The following CNOT1 variants were observed in gnomAD, a reference collection of about 807,000 sequenced individuals.
The protein encoded by CNOT1 is CCR4-associated factor 1.
CNOT1 carries 15 observed loss-of-function variants against 273.8 expected under a neutral mutation model. That is an observed-to-expected ratio of 0.05 (90% CI 0.04 to 0.08). The LOEUF (loss-of-function observed/expected upper bound fraction) is 0.08, where lower values mean the gene tolerates loss of function less well. Among genes scored for constraint, CNOT1 ranks in the 10% least tolerant of loss-of-function variants. The pLI, the probability that CNOT1 is intolerant of heterozygous loss-of-function variation, is 1.00. For synonymous variants in CNOT1, 1,022 were observed against 1,005.5 expected (o/e 1.02, Z -0.31); for missense variants, 1,644 against 2,912.2 (o/e 0.56, Z 10.02).
chr16:58,524,407 G>A (rs1013067106), intron 46 of CNOT1, among the ~76,000 whole-genome samples: 1 of 151,832 alleles, frequency 6.6e-6, no homozygotes, highest in African/African-American at 2.4e-5. Context: ...GACATTATTC[G>A]TGTTTGTGAG....
chr16:58,609,988 C>T (rs1436389464), intron 1 of CNOT1, among the ~76,000 whole-genome samples: 1 of 152,108 alleles, frequency 6.6e-6, no homozygotes, highest in Non-Finnish European at 1.5e-5. Flanking sequence ...CATGTACTCA[C>T]TTCAGGTATT....
At chr16:58,626,349 G>A (rs1217065239) in intron 1 of CNOT1, among the ~76,000 whole-genome samples, 2 of 138,572 alleles carry the variant, frequency 1.4e-5, no homozygotes, top group Non-Finnish European at 3.0e-5. Context: ...AGGGGTTGCA[G>A]TGAGCCAAGA....
At chr16:58,548,618 G>T (rs1359662590) in intron 25 of CNOT1, 1 of 519,074 alleles carries the variant, frequency 1.9e-6, no homozygotes, top group Non-Finnish European at 3.8e-6. Context: ...CCATCCACAG[G>T]TTTAAATATA....
intron 15 of CNOT1, 87 bp downstream of exon 15, chr16:58,574,920 T>C (rs2041408617): frequency 4.4e-6 from 7 of 1,575,784 alleles, no homozygotes; most frequent in Non-Finnish European, 6.0e-6. Flanking sequence ...AGTTTATTAC[T>C]GCTGCACAAA....
intron 18 of CNOT1, 125 bp from the exon 19 acceptor site, chr16:58,557,118 C>T: frequency 7.7e-7 from 1 of 1,292,092 alleles, no homozygotes; most frequent in Non-Finnish European, 1.0e-6. Context: ...CTTTAAAAGT[C>T]AGAGTCTTTG....
At chr16:58,602,730 C>CA (rs1463887604) in intron 1 of CNOT1, among the ~76,000 whole-genome samples, 5 of 150,844 alleles carry the variant, frequency 3.3e-5, no homozygotes, top group African/African-American at 9.8e-5. Context: ...GACTCTGTCT[C>CA]AAAAAAATAA....
rs1230767198 is a variant in CNOT1 at position 58,543,964 on chromosome 16, T to C, written c.4138-61A>G. On this transcript the variant is annotated intron_variant, in intron 30 of 48. Coordinates refer to ENST00000317147, the MANE Select transcript of CNOT1 (RefSeq NM_016284.5). ...TTAAATAAGACAATCCAATTCCTACTGGCAATCACATTCATGATTTTGTAA... is the reference window on the plus strand; with the variant it reads ...TTAAATAAGACAATCCAATTCCTACCGGCAATCACATTCATGATTTTGTAA... 6 of 1,506,266 alleles carry C rather than the reference T, an allele frequency of 4.0e-6. No individual in the cohort carries two copies. The East Asian group carries it at 1.4e-4, about 35-fold the overall frequency. 93.3% of individuals were successfully genotyped at this position (1,506,266 alleles called of 1,614,324 possible).
chr16:58,588,360 T>A (rs112718584), intron 3 of CNOT1, among the ~76,000 whole-genome samples: 183 of 149,532 alleles, frequency 1.2e-3, no homozygotes, highest in Middle Eastern at 3.4e-3. Flanking sequence ...TAGAGTTTTT[T>A]AAAAAAAAAA....
intron 1 of CNOT1, among the ~76,000 whole-genome samples, chr16:58,602,553 CAA>C (rs60230860): frequency 6.0e-4 from 35 of 57,970 alleles, no homozygotes; most frequent in African/African-American, 1.8e-3. Context: ...ACTCTGTCTC[CAA>C]AAAAAAAAAA....
intron 38 of CNOT1, 79 bp from the exon 39 acceptor site, chr16:58,537,299 A>ATTTTT: frequency 6.6e-7 from 1 of 1,503,764 alleles, no homozygotes; most frequent in Non-Finnish European, 8.9e-7. Context: ...TAGTTTGCTT[A>ATTTTT]TTTAACAGCA....
At chr16:58,623,323 T>A (rs1180374232) in intron 1 of CNOT1, 1 of 152,254 alleles carries the variant, frequency 6.6e-6, no homozygotes, top group African/African-American at 2.4e-5. Context: ...ACTTCTAAGA[T>A]CCTTAGAATG....
At chr16:58,538,964 C>T (rs940201285) in intron 35 of CNOT1, 50 bp from the exon 36 acceptor site, 1 of 1,588,420 alleles carries the variant, frequency 6.3e-7, no homozygotes. Flanking sequence ...AGTGCTTGGC[C>T]CAACTATCAC....
intron 4 of CNOT1, 22 bp from the exon 5 acceptor site, chr16:58,587,435 T>C (rs768187089): frequency 3.7e-6 from 6 of 1,611,590 alleles, no homozygotes; most frequent in Non-Finnish European, 5.1e-6. Context: ...CAAATTTTAG[T>C]TTAAAATAAG....
chr16:58,537,114 C>T lies in CNOT1; in HGVS notation c.5521G>A (p.Glu1841Lys), dbSNP rs2039951112. 6.2e-7 allele frequency: 1 copy of T among 1,614,208 alleles called. No homozygotes were observed. The highest frequency in any genetic ancestry group is 8.5e-7 in the Non-Finnish European group (1 of 1,180,038). ...CTCAGGCCTGGAGGGTCATCATACT[C>T]TGAGGCTTGAGAGATCCCAGAATGC... Reference protein sequence around the residue: ...MMHSGISQASEYDDPPGLREK... With the variant: ...MMHSGISQASKYDDPPGLREK... The change falls in exon 39 of 49, where the codon GAG (glutamate) becomes AAG (lysine). Residue 1841 changes from glutamate to lysine, a missense_variant. Transcript: ENST00000317147.
Position 58,520,774 on chromosome 16 carries a change from G to T in CNOT1, c.*184C>A. The T allele has an allele frequency of 3.3e-6, 2 of 606,888 alleles. No individual in the cohort carries two copies. The highest frequency in any genetic ancestry group is 5.7e-6 in the Non-Finnish European group (2 of 349,496). 37.6% of individuals were successfully genotyped at this position (606,888 alleles called of 1,614,324 possible). A position where few individuals can be genotyped will look rare whatever the true frequency, so the allele number is the denominator to read the frequency against. On this transcript the variant is annotated 3_prime_UTR_variant, in exon 49 of 49. Coordinates refer to ENST00000317147, the MANE Select transcript of CNOT1 (RefSeq NM_016284.5). The stretch of plus-strand genomic sequence containing the variant: ...AATTTTGGCCAAGAGTCAAAAAAAT[G>T]CATTTAAACTTTGGAACGTGCCCAC...
At chr16:58,587,946 C>T (rs1042683028) in intron 3 of CNOT1, 68 bp from the exon 4 acceptor site, 2 of 1,437,100 alleles carry the variant, frequency 1.4e-6, no homozygotes, top group Non-Finnish European at 1.9e-6. Flanking sequence ...AGCTGAGGTA[C>T]TCAGAACATT....
At chr16:58,603,407 A>G (rs1387352708) in intron 1 of CNOT1, among the ~76,000 whole-genome samples, 2 of 126,292 alleles carry the variant, frequency 1.6e-5, no homozygotes, top group Non-Finnish European at 3.3e-5. Flanking sequence ...TACAATTTAA[A>G]AGTGTGTGTG....
At chr16:58,545,613 AGGATG>A in intron 29 of CNOT1, 122 bp from the exon 30 acceptor site, 5 of 1,466,492 alleles carry the variant, frequency 3.4e-6, no homozygotes, top group Non-Finnish European at 4.5e-6. Flanking sequence ...AGAGGAGGGA[AGGATG>A]TAGCAGGTCC....
intron 1 of CNOT1, among the ~76,000 whole-genome samples, chr16:58,623,913 C>T (rs952556724): frequency 1.3e-5 from 2 of 151,824 alleles, no homozygotes; most frequent in Non-Finnish European, 2.9e-5. Flanking sequence ...TCGCTTGAAC[C>T]AGAGCGATAG....
Sources: allele counts gnomAD v4.1 joint callset (sites outside exome capture counted in the v4.1 genomes callset), GRCh38; gene constraint gnomAD v4.1.1; transcripts MANE v1.5; gene names NCBI Gene and HGNC (gene_info 2026-07-23, HGNC 2026-07-21).